ABCA12: variants seen among roughly 807,000 people sequenced by gnomAD.
The protein encoded by ABCA12 is ATP binding cassette subfamily A member 12.
Under a neutral mutation model 293.5 loss-of-function variants are expected in ABCA12, and 156 were observed. The ratio of observed to expected loss-of-function variants is 0.53; its 90% CI spans 0.47 to 0.61. The LOEUF is 0.61. ABCA12 is among the 20% of genes least tolerant of loss of function. The pLI is 0.00. For synonymous variants in ABCA12, 1,063 were observed against 1,108.0 expected, an observed-to-expected ratio of 0.96 and a Z score of 0.81; for missense variants, 2,797 against 3,090.2, an observed-to-expected ratio of 0.91 and a Z score of 2.25.
At chr2:215,047,659 C>CA (rs2106051168) in intron 6 of ABCA12, among the ~76,000 whole-genome samples, 1 of 152,242 alleles carries the variant, frequency 6.6e-6, no homozygotes, top group South Asian at 2.1e-4. Context: ...ACACCATATA[C>CA]AAAATTCAAC....
intron 14 of ABCA12, among the ~76,000 whole-genome samples, chr2:215,016,233 A>C (rs1035075075): frequency 3.9e-5 from 6 of 151,910 alleles, no homozygotes; most frequent in Non-Finnish European, 7.4e-5. Context: ...TGGGTGAATG[A>C]TGATACCAAG....
chr2:215,046,557 A>G lies in ABCA12; in HGVS notation c.694-542T>C, dbSNP rs1701206839. 5.3e-5 allele frequency among the ~76,000 whole-genome samples: 8 copies of G among 150,286 alleles called. No homozygotes were observed. In the South Asian group the frequency reaches 1.7e-3, roughly 31 times the overall value. ...TACATAATTCAGGAAAATGTTTACT[A>G]TTACAATTACACATACTTAGTGCTA... On this transcript the variant is annotated intron_variant, in intron 6 of 52. Coordinates refer to ENST00000272895, the MANE Select transcript of ABCA12 (RefSeq NM_173076.3).
chr2:215,049,854 A>C, intron 5 of ABCA12, 43 bp from the exon 6 acceptor site: 1 of 1,539,588 alleles, frequency 6.5e-7, no homozygotes, highest in Non-Finnish European at 8.9e-7. Context: ...GTGTTAATAA[A>C]TGTAGATGTT....
rs1698671770 is a variant in ABCA12 at position 214,949,144 on chromosome 2, A to G, written c.6858T>C (p.Phe2286=). ...ISIGIPAGEC[F]GLLGVNGAGK... ...CTGCTCCATTCACTCCAAGAAGCCC[A>G]AAACACTGGTTTGAGGGAGAAAAAG... The change falls in exon 46 of 53, where the codon TTT becomes TTC. Residue 2286 remains phenylalanine, a synonymous_variant. Transcript: ENST00000272895. 6.2e-7 allele frequency: 1 copy of G among 1,612,702 alleles called. No homozygotes were observed. Among genetic ancestry groups the G allele is most frequent in the East Asian group, 2.2e-5 (1 of 44,786 alleles).
At chr2:215,097,731 T>C in intron 2 of ABCA12, among the ~76,000 whole-genome samples, 1 of 152,210 alleles carries the variant, frequency 6.6e-6, no homozygotes, top group East Asian at 1.9e-4. Context: ...GTTCTGGGAG[T>C]TTGGCTACAT....
intron 2 of ABCA12, among the ~76,000 whole-genome samples, chr2:215,093,857 G>A (rs1702198163): frequency 6.6e-6 from 1 of 152,108 alleles, no homozygotes; most frequent in South Asian, 2.1e-4. Flanking sequence ...TGACCCCCAT[G>A]ACTGTATCTC....
intron 5 of ABCA12, among the ~76,000 whole-genome samples, chr2:215,051,869 T>C (rs1174312474): frequency 6.6e-6 from 1 of 152,104 alleles, no homozygotes; most frequent in Non-Finnish European, 1.5e-5. Flanking sequence ...AGAGCACGTG[T>C]TCTGCCTAAA....
chr2:215,028,197 G>A (rs1574995187), intron 9 of ABCA12, among the ~76,000 whole-genome samples: 1 of 152,186 alleles, frequency 6.6e-6, no homozygotes, highest in Admixed American at 6.5e-5. Flanking sequence ...ATGCGAGTGG[G>A]AACGATTAAC....
intron 7 of ABCA12, among the ~76,000 whole-genome samples, chr2:215,041,505 T>C (rs1319670627): frequency 6.8e-6 from 1 of 147,248 alleles, no homozygotes; most frequent in Non-Finnish European, 1.5e-5. Context: ...TGAGCCAAGA[T>C]CGTGCCACTG....
chr2:214,996,419 T>A (rs1293742897), intron 23 of ABCA12, among the ~76,000 whole-genome samples: 1 of 152,192 alleles, frequency 6.6e-6, no homozygotes, highest in Non-Finnish European at 1.5e-5. Flanking sequence ...GGACTCTGTT[T>A]CTGTCACAGT....
chr2:215,134,343 T>G (rs549667027), intron 1 of ABCA12, among the ~76,000 whole-genome samples: 1 of 146,196 alleles, frequency 6.8e-6, no homozygotes, highest in Non-Finnish European at 1.5e-5. Context: ...CATATATATG[T>G]ATATGTGTAT....
At chr2:214,933,720 A>G (rs1396662558) in intron 52 of ABCA12, among the ~76,000 whole-genome samples, 2 of 152,198 alleles carry the variant, frequency 1.3e-5, no homozygotes, top group Non-Finnish European at 2.9e-5. Flanking sequence ...ACCCTAATCC[A>G]GGAAGCCAAT....
At chr2:215,041,911 T>G (rs905763742) in intron 7 of ABCA12, among the ~76,000 whole-genome samples, 1 of 152,218 alleles carries the variant, frequency 6.6e-6, no homozygotes, top group African/African-American at 2.4e-5. Flanking sequence ...GCATAACCAC[T>G]TAAGCCAGTC....
chr2:215,036,502 A>G (rs1446128986), intron 8 of ABCA12, among the ~76,000 whole-genome samples: 3 of 152,194 alleles, frequency 2.0e-5, no homozygotes, highest in Non-Finnish European at 4.4e-5. Context: ...GTGAGTGTAG[A>G]CAGTACCATT....
intron 30 of ABCA12, among the ~76,000 whole-genome samples, 169 bp from the exon 31 acceptor site, chr2:214,980,812 T>A (rs1699631545): frequency 2.6e-5 from 4 of 151,746 alleles, no homozygotes; most frequent in Admixed American, 2.0e-4. Flanking sequence ...GCAAGAAAAA[T>A]TCAGGGCCAG....
chr2:215,075,876 GA>G (rs914530000), intron 2 of ABCA12: 52 of 372,696 alleles, frequency 1.4e-4, no homozygotes, highest in South Asian at 2.2e-4. Context: ...TCATTGTATG[GA>G]AAAAAAATAG....
chr2:214,986,776 G>A (rs372624593), intron 27 of ABCA12, 48 bp from the exon 28 acceptor site: 9 of 1,523,382 alleles, frequency 5.9e-6, no homozygotes, highest in African/African-American at 5.5e-5. Context: ...GTAAGGTAAT[G>A]CAGCTAGAGT....
chr2:215,032,768 C>G (rs1487155854), intron 8 of ABCA12, among the ~76,000 whole-genome samples: 1 of 152,116 alleles, frequency 6.6e-6, no homozygotes, highest in Non-Finnish European at 1.5e-5. Flanking sequence ...TATAAATAAT[C>G]CAGTATGTCT....
At chr2:214,956,868 C>A (rs1418580970) in intron 41 of ABCA12, 90 bp from the exon 42 acceptor site, 3 of 827,018 alleles carry the variant, frequency 3.6e-6, no homozygotes, top group East Asian at 2.5e-5. Context: ...AAAACTGCAA[C>A]AAGTTGACCT....
Sources: allele counts gnomAD v4.1 joint callset (sites outside exome capture counted in the v4.1 genomes callset), GRCh38; gene constraint gnomAD v4.1.1; transcripts MANE v1.5; gene names NCBI Gene and HGNC (gene_info 2026-07-23, HGNC 2026-07-21).